The following BCL9L variants were observed in gnomAD, a reference collection of about 807,000 sequenced individuals.
BCL9L encodes B-cell CLL/lymphoma 9-like protein.
BCL9L carries 19 observed loss-of-function variants against 99.4 expected under a neutral mutation model. That is an observed-to-expected ratio of 0.19 (90% CI 0.13 to 0.28). The LOEUF is 0.28. Ranked by LOEUF, BCL9L falls within the 10% of genes least tolerant of loss-of-function variation. The pLI is 1.00. For missense variants in BCL9L, 2,023 were observed against 2,101.6 expected (o/e 0.96, Z 0.73); for synonymous variants, 900 against 854.8 (o/e 1.05, Z -0.92).
At chr11:118,917,612 C>G (rs1038751475) in intron 2 of BCL9L, among the ~76,000 whole-genome samples, 1 of 152,112 alleles carries the variant, frequency 6.6e-6, no homozygotes, top group African/African-American at 2.4e-5. Flanking sequence ...GTGTCCAGGC[C>G]CCACCCTCTC....
In BCL9L at chr11:118,908,404, C is replaced by G; in HGVS notation, c.278G>C (p.Ser93Thr). The change falls in exon 4 of 10, where the codon AGT (serine) becomes ACT (threonine). Residue 93 changes from serine (S) to threonine (T), a missense_variant. This residue lies in a region of BCL9L where 1,116 missense variants were observed against 1,194.6 expected (regional missense o/e 0.93). Transcript: ENST00000683865. ...KANQISPSNS[S>T]LKNPQAGVPP... ...CACCCCTGCCTGGGGGTTCTTCAGA[C>G]TTGAGTTGCTAGGCGAGATCTGGTT... 1 of 1,614,086 alleles carries G rather than the reference C, an allele frequency of 6.2e-7. No individual in the cohort carries two copies. Among genetic ancestry groups the G allele is most frequent in the East Asian group, 2.2e-5 (1 of 44,878 alleles).
chr11:118,900,858 A>G lies in BCL9L; in HGVS notation c.2885T>C (p.Val962Ala). ...LKSPQTPSQM[V>A]PLPSANPPGP... The stretch of plus-strand genomic sequence containing the variant: ...TGGCGGGTTGGCAGAAGGCAAGGGC[A>G]CCATCTGTGAGGGAGTCTGGGGTGA... The change falls in exon 8 of 10, where the codon GTG becomes GCG. Residue 962 changes from valine to alanine, a missense_variant. Coordinates refer to ENST00000683865, the MANE Select transcript of BCL9L (RefSeq NM_001378213.1). This position sits in a 1 kb window ranked among gnomAD's most constrained non-coding sequence, Gnocchi z 5.3. 6.2e-7 allele frequency: 1 copy of G among 1,611,836 alleles called. No individual in the cohort carries two copies. Among genetic ancestry groups the G allele is most frequent in the Non-Finnish European group, 8.5e-7 (1 of 1,178,414 alleles).
Position 118,898,294 on chromosome 11 carries a change from G to GCCCCCCACCCCCCCCCCCCCCCC in BCL9L, c.*120_*121insGGGGGGGGGGGGGGGGTGGGGGG. 15 of 452,312 alleles carry GCCCCCCACCCCCCCCCCCCCCCC rather than the reference G, an allele frequency of 3.3e-5. 2 individuals are homozygous for GCCCCCCACCCCCCCCCCCCCCCC. Among genetic ancestry groups the GCCCCCCACCCCCCCCCCCCCCCC allele is most frequent in the East Asian group, 1.3e-4 (3 of 23,130 alleles). 28.0% of individuals were successfully genotyped at this position (452,312 alleles called of 1,614,324 possible). On this transcript the variant is annotated 3_prime_UTR_variant, in exon 10 of 10. Coordinates refer to ENST00000683865, the MANE Select transcript of BCL9L (RefSeq NM_001378213.1). ...TCCACAAATGCCACTCCCTACACAAGCCCCCTCCCACCCCCTCCACCCCAC... is the reference window on the plus strand; with the variant it reads ...TCCACAAATGCCACTCCCTACACAAGCCCCCCACCCCCCCCCCCCCCCCCCCCCTCCCACCCCCTCCACCCCAC...
Position 118,900,092 on chromosome 11 carries a change from G to C in BCL9L, c.3231C>G (p.Pro1077=). 1 of 1,613,986 alleles carries C rather than the reference G, an allele frequency of 6.2e-7. No individual in the cohort carries two copies. The highest frequency in any genetic ancestry group is 8.5e-7 in the Non-Finnish European group (1 of 1,179,954). Residue 1077 remains proline (P), a synonymous_variant, in exon 9 of 10, where the codon CCC becomes CCG. Transcript: ENST00000683865. The surrounding 1 kb of genome is among the most constrained non-coding windows in gnomAD (Gnocchi z 5.3). The part of the protein sequence containing the change: ...PSLPFTSSPD[P]TPSQNPLSLM... ...GTGACAGGGGGTTCTGGGAAGGTGT[G>C]GGGTCTGGGGAGGAAGTGAATGGTA...
At chr11:118,923,299 C>G (rs983570931) in intron 1 of BCL9L, among the ~76,000 whole-genome samples, 3 of 152,160 alleles carry the variant, frequency 2.0e-5, no homozygotes, top group African/African-American at 7.2e-5. Flanking sequence ...ACTGCCACCC[C>G]CTAGGCCCCT....
rs761526586 is a variant in BCL9L at position 118,905,512 on chromosome 11, C to CAA, written c.532+1969_532+1970dup. On this transcript the variant is annotated intron_variant, in intron 5 of 9. Transcript: ENST00000683865. The stretch of plus-strand genomic sequence containing the variant: ...CAACAGAGTGAGTGAGACTCTGTCT[C>CAA]AAAAAAAAAAAAAAAAAAAAAGAAT... 1.6e-3 allele frequency among the ~76,000 whole-genome samples: 60 copies of CAA among 38,312 alleles called. 1 individual carries two copies. Among genetic ancestry groups the CAA allele is most frequent in the African/African-American group, 3.4e-3 (34 of 10,102 alleles). 25.1% of individuals were successfully genotyped at this position (38,312 alleles called of 152,430 possible). A position where few individuals can be genotyped will look rare whatever the true frequency, so the allele number is the denominator to read the frequency against.
Position 118,900,174 on chromosome 11 carries a change from C to T in BCL9L, c.3149G>A (p.Arg1050Gln), listed in dbSNP as rs759383267. The change falls in exon 9 of 10, where the codon CGG becomes CAG. Residue 1050 changes from arginine (R) to glutamine (Q), a missense_variant. Coordinates refer to ENST00000683865, the MANE Select transcript of BCL9L (RefSeq NM_001378213.1). The surrounding 1 kb of genome is among the most constrained non-coding windows in gnomAD (Gnocchi z 5.3). The part of the protein sequence containing the change: ...EQGTLPPSGP[R>Q]SSSSAPPANP... The stretch of plus-strand genomic sequence containing the variant: ...GGCGGGAGGTGCTGAGGAGCTGCTC[C>T]GGGGGCCGCTAGGCGGGAGGGTACC... The T allele has an allele frequency of 1.0e-5, 16 of 1,605,380 alleles. No homozygotes were observed. Among genetic ancestry groups the T allele is most frequent in the African/African-American group, 6.7e-5 (5 of 74,594 alleles).
At chr11:118,912,762 C>T (rs1333632807) in intron 2 of BCL9L, among the ~76,000 whole-genome samples, 2 of 152,194 alleles carry the variant, frequency 1.3e-5, no homozygotes, top group Non-Finnish European at 2.9e-5. Flanking sequence ...AGCTCAAAAC[C>T]ACCCCAAAGA....
chr11:118,914,786 G>A lies in BCL9L; in HGVS notation c.-77+4040C>T, dbSNP rs1940914741. 6.6e-6 allele frequency among the ~76,000 whole-genome samples: 1 copy of A among 152,220 alleles called. No homozygotes were observed. The highest frequency in any genetic ancestry group is 1.9e-4 in the East Asian group (1 of 5,198). On this transcript the variant is annotated intron_variant, in intron 2 of 9. Coordinates refer to ENST00000683865, the MANE Select transcript of BCL9L (RefSeq NM_001378213.1). The surrounding 1 kb of genome is among the most constrained non-coding windows in gnomAD (Gnocchi z 4.4). ...GCTCCCAGAGGAGGTCTGGTGCCTG[G>A]TGGCCTCGCCCTCTGAGGTTGGGGC...
chr11:118,901,653 A>G lies in BCL9L; in HGVS notation c.2090T>C (p.Met697Thr), dbSNP rs1940245233. 1 of 1,613,806 alleles carries G rather than the reference A, an allele frequency of 6.2e-7. No individual in the cohort carries two copies. Among genetic ancestry groups the G allele is most frequent in the Non-Finnish European group, 8.5e-7 (1 of 1,180,030 alleles). ...GCTCTGTCCCATGCCACTGCCTGCC[A>G]TGCCCAGGGGGCGCTGCATGCCCAT... Reference protein sequence around the residue: ...RSMGMQRPLGMAGSGMGQSME... With the variant: ...RSMGMQRPLGTAGSGMGQSME... The change falls in exon 8 of 10, where the codon ATG becomes ACG. Residue 697 changes from methionine to threonine, a missense_variant. By Grantham distance (81) the Met-to-Thr change is moderately conservative. This residue lies in a region of BCL9L where 1,116 missense variants were observed against 1,194.6 expected (regional missense o/e 0.93). Transcript: ENST00000683865. This position sits in a 1 kb window ranked among gnomAD's most constrained non-coding sequence, Gnocchi z 6.6.
At chr11:118,905,046 C>T (rs114297067) in intron 5 of BCL9L, among the ~76,000 whole-genome samples, 1 of 152,206 alleles carries the variant, frequency 6.6e-6, no homozygotes, top group African/African-American at 2.4e-5. Context: ...ACCTCATTTA[C>T]TCCTCATACC....
intron 3 of BCL9L, among the ~76,000 whole-genome samples, chr11:118,909,541 C>T (rs1476290551): frequency 6.6e-6 from 1 of 152,212 alleles, no homozygotes; most frequent in African/African-American, 2.4e-5. Context: ...GCAGGCACCG[C>T]CCCCTACTCC....
rs371563283 is a variant in BCL9L, at chr11:118,903,013, C to T, written c.811G>A (p.Val271Met). ...ACCTGGTCAAGCTTGGCCCGGGGCA[C>T]GTTCTGCTGGTGGTAGGCGAGGATG... The part of the protein sequence containing the change: ...DSILAYHQQN[V>M]PRAKLDQAPK... Residue 271 changes from valine to methionine, a missense_variant, in exon 7 of 10, where the codon GTG becomes ATG. Physicochemically the swap from Val to Met is conservative, Grantham distance 21 (BLOSUM62 1). Coordinates refer to ENST00000683865, the MANE Select transcript of BCL9L (RefSeq NM_001378213.1). The surrounding 1 kb of genome is among the most constrained non-coding windows in gnomAD (Gnocchi z 5.6). 5 of 1,595,824 alleles carry T rather than the reference C, an allele frequency of 3.1e-6. No homozygotes were observed. Among genetic ancestry groups the T allele is most frequent in the African/African-American group, 1.3e-5 (1 of 74,724 alleles).
Position 118,900,855 on chromosome 11 carries a change from G to A in BCL9L, c.2888C>T (p.Pro963Leu). The A allele has an allele frequency of 2.5e-6, 4 of 1,612,260 alleles. No individual in the cohort carries two copies. Among genetic ancestry groups the A allele is most frequent in the African/African-American group, 1.3e-5 (1 of 75,024 alleles). Residue 963 changes from proline (P) to leucine (L), a missense_variant, in exon 8 of 10, where the codon CCC (proline) becomes CTC (leucine). Physicochemically the swap from Pro to Leu is moderately conservative, Grantham distance 98. This residue lies in a region of BCL9L where 902 missense variants were observed against 888.2 expected (regional missense o/e 1.02). Coordinates refer to ENST00000683865, the MANE Select transcript of BCL9L (RefSeq NM_001378213.1). The surrounding 1 kb of genome is among the most constrained non-coding windows in gnomAD (Gnocchi z 5.3). The part of the protein sequence containing the change: ...KSPQTPSQMV[P>L]LPSANPPGPL... ...TCCTGGCGGGTTGGCAGAAGGCAAG[G>A]GCACCATCTGTGAGGGAGTCTGGGG...
At chr11:118,905,113 AT>A (rs1280901904) in intron 5 of BCL9L, among the ~76,000 whole-genome samples, 1 of 152,174 alleles carries the variant, frequency 6.6e-6, no homozygotes, top group Non-Finnish European at 1.5e-5. Context: ...CCTTTCCCAA[AT>A]TTACAGAAAT....
Position 118,903,278 on chromosome 11 carries a change from G to A in BCL9L, c.707C>T (p.Pro236Leu). The A allele has an allele frequency of 6.3e-7, 1 of 1,585,254 alleles. No individual in the cohort carries two copies. Among genetic ancestry groups the A allele is most frequent in the Non-Finnish European group, 8.6e-7 (1 of 1,167,744 alleles). The change falls in exon 6 of 10, where the codon CCC becomes CTC. Residue 236 changes from proline to leucine, a missense_variant. Pro to Leu is a moderately conservative substitution (Grantham distance 98, BLOSUM62 -3). Transcript: ENST00000683865. The surrounding 1 kb of genome is among the most constrained non-coding windows in gnomAD (Gnocchi z 5.6). ...GGGGGVPGKP[P>L]SQFVYVFTTH... ...GGTGAAGACATATACGAACTGCGAG[G>A]GAGGCTTTCCGGGGACGCCCCCGCC...
intron 2 of BCL9L, among the ~76,000 whole-genome samples, chr11:118,915,943 C>T (rs1003033375): frequency 2.6e-5 from 4 of 152,228 alleles, no homozygotes; most frequent in Admixed American, 6.5e-5. Flanking sequence ...AAATAACCTG[C>T]GCCCAGCAGG....
rs1353765596 is a variant in BCL9L, at chr11:118,900,285, G to A, written c.3125-87C>T. 3.1e-5 allele frequency: 43 copies of A among 1,368,802 alleles called. No homozygotes were observed. The highest frequency in any genetic ancestry group is 2.6e-4 in the Middle Eastern group (1 of 3,836). 84.8% of individuals were successfully genotyped at this position (1,368,802 alleles called of 1,614,324 possible). A position where few individuals can be genotyped will look rare whatever the true frequency, so the allele number is the denominator to read the frequency against. On this transcript the variant is annotated intron_variant, in intron 8 of 9. Coordinates refer to ENST00000683865, the MANE Select transcript of BCL9L (RefSeq NM_001378213.1). The surrounding 1 kb of genome is among the most constrained non-coding windows in gnomAD (Gnocchi z 5.3). Reference sequence around the variant, plus strand: ...GTGGATATGGGGAGGTTTAGGAAGCGGTCAGTTCCCCAAATCACCTGGTCC... The same window carrying A: ...GTGGATATGGGGAGGTTTAGGAAGCAGTCAGTTCCCCAAATCACCTGGTCC...
In BCL9L at chr11:118,900,766, T is replaced by C. The variant is rs76528454; in HGVS notation, c.2977A>G (p.Ser993Gly). The C allele has an allele frequency of 1.2e-6, 2 of 1,613,212 alleles. No homozygotes were observed. Among genetic ancestry groups the C allele is most frequent in the Non-Finnish European group, 1.7e-6 (2 of 1,179,876 alleles). ...GCCATGGAAGGAGACTTGAGCCTGC[T>C]GGGCGAGCCAGTGGGTGAACGGACA... ...LSVRSPTGSP[S>G]RLKSPSMAVP... Residue 993 changes from serine (S) to glycine (G), a missense_variant, in exon 8 of 10, where the codon AGC becomes GGC. By Grantham distance (56) the Ser-to-Gly change is moderately conservative. Around this residue, in one of 3 missense-constraint regions of BCL9L, gnomAD observed 902 missense variants for 888.2 expected, o/e 1.02. Transcript: ENST00000683865. The surrounding 1 kb of genome is among the most constrained non-coding windows in gnomAD (Gnocchi z 5.3).
Sources: allele counts gnomAD v4.1 joint callset (sites outside exome capture counted in the v4.1 genomes callset), GRCh38; gene constraint gnomAD v4.1.1; regional missense constraint gnomAD v4.1.1; non-coding constraint Gnocchi (gnomAD v3.1); transcripts MANE v1.5; gene names NCBI Gene and HGNC (gene_info 2026-07-23, HGNC 2026-07-21).